The following ALDH18A1 variants were observed in gnomAD, a reference collection of about 807,000 sequenced individuals.
The protein encoded by ALDH18A1 is delta-1-pyrroline-5-carboxylate synthase.
ALDH18A1 carries 44 observed loss-of-function variants against 88.8 expected under a neutral mutation model. The ratio of observed to expected loss-of-function variants is 0.50; its 90% CI spans 0.39 to 0.64. The LOEUF (loss-of-function observed/expected upper bound fraction) is 0.64, where lower values mean the gene tolerates loss of function less well. ALDH18A1 is among the 30% of genes least tolerant of loss of function. The pLI, the probability that ALDH18A1 is intolerant of heterozygous loss-of-function variation, is 0.00. For synonymous variants in ALDH18A1, 331 were observed against 372.1 expected, an observed-to-expected ratio of 0.89 and a Z score of 1.27; for missense variants, 782 against 1,009.5, an observed-to-expected ratio of 0.77 and a Z score of 3.05.
intron 15 of ALDH18A1, among the ~76,000 whole-genome samples, chr10:95,611,656 C>G (rs1028729381): frequency 3.3e-5 from 5 of 152,178 alleles, no homozygotes; most frequent in Non-Finnish European, 7.3e-5. Flanking sequence ...GGGATTGAAG[C>G]AGGAAGCCTT....
intron 2 of ALDH18A1, among the ~76,000 whole-genome samples, chr10:95,643,543 TCA>T (rs1315767827): frequency 5.3e-5 from 8 of 152,214 alleles, no homozygotes; most frequent in Non-Finnish European, 1.2e-4. Context: ...AAGCTATTCA[TCA>T]CTGTTATTTA....
At chr10:95,614,876 G>C (rs1253093850) in intron 13 of ALDH18A1, among the ~76,000 whole-genome samples, 1 of 152,156 alleles carries the variant, frequency 6.6e-6, no homozygotes, top group Non-Finnish European at 1.5e-5. Context: ...GAGAAGAAAA[G>C]ATGAACTGTA....
At chr10:95,640,727 A>T (rs1368416362) in intron 3 of ALDH18A1, among the ~76,000 whole-genome samples, 1 of 152,184 alleles carries the variant, frequency 6.6e-6, no homozygotes. Context: ...ATCTGACATG[A>T]TAAGATGTCT....
chr10:95,655,572 C>G (rs904677100), intron 1 of ALDH18A1, among the ~76,000 whole-genome samples: 1 of 151,938 alleles, frequency 6.6e-6, no homozygotes, highest in Admixed American at 6.6e-5. Context: ...TGAAGACTGA[C>G]GTAGAAACCA....
intron 12 of ALDH18A1, among the ~76,000 whole-genome samples, chr10:95,619,557 C>T (rs544946115): frequency 4.7e-4 from 71 of 152,204 alleles, no homozygotes; most frequent in Admixed American, 1.8e-3. Context: ...GCTACAGTAA[C>T]CAAAACAGCA....
chr10:95,634,608 A>G (rs2097877133), intron 5 of ALDH18A1, among the ~76,000 whole-genome samples: 1 of 152,142 alleles, frequency 6.6e-6, no homozygotes, highest in Non-Finnish European at 1.5e-5. Context: ...AATTTATGGA[A>G]GTTAGTCTTT....
intron 10 of ALDH18A1, among the ~76,000 whole-genome samples, chr10:95,626,478 A>G (rs2097860555): frequency 6.6e-6 from 1 of 152,148 alleles, no homozygotes; most frequent in Non-Finnish European, 1.5e-5. Flanking sequence ...TGATCAAAAC[A>G]TCATAGTGAT....
chr10:95,627,379 T>C, intron 9 of ALDH18A1, 63 bp downstream of exon 9: 3 of 1,595,774 alleles, frequency 1.9e-6, no homozygotes, highest in Non-Finnish European at 2.6e-6. Context: ...TTGTGATCTC[T>C]AACTAAGCCA....
At position 95,606,673 on chromosome 10, in the gene ALDH18A1, A is replaced by G; in HGVS notation, c.*89T>C. On this transcript the variant is annotated 3_prime_UTR_variant, in exon 18 of 18. Transcript: ENST00000371224. The stretch of plus-strand genomic sequence containing the variant: ...TTCCAACAGGCAGACCCTACCAGGA[A>G]CTGGGAGACAAGAGCGGGCTCTCTC... 14 of 1,611,550 alleles carry G rather than the reference A, an allele frequency of 8.7e-6. No homozygotes were observed. Among genetic ancestry groups the G allele is most frequent in the Admixed American group, 1.7e-5 (1 of 60,008 alleles).
Position 95,625,350 on chromosome 10 carries a change from C to A in ALDH18A1, c.1246+12G>T. ...CCTCCACAACATTGACTTTAAATTG[C>A]CTGGTCTTTACCCTCTGCCTCCTCC... On this transcript the variant is annotated intron_variant, in intron 11 of 17. Coordinates refer to ENST00000371224, the MANE Select transcript of ALDH18A1 (RefSeq NM_002860.4). The A allele has an allele frequency of 5.6e-6, 9 of 1,612,700 alleles. No homozygotes were observed. The highest frequency in any genetic ancestry group is 7.6e-6 in the Non-Finnish European group (9 of 1,178,798).
intron 7 of ALDH18A1, among the ~76,000 whole-genome samples, chr10:95,630,504 A>G (rs1269084489): frequency 6.6e-6 from 1 of 152,198 alleles, no homozygotes; most frequent in African/African-American, 2.4e-5. Flanking sequence ...CGAGGTGAGG[A>G]GTTCAAGACC....
chr10:95,606,425 A>G lies in ALDH18A1; in HGVS notation c.*337T>C. The G allele has an allele frequency of 1.7e-6, 2 of 1,174,388 alleles. No homozygotes were observed. The highest frequency in any genetic ancestry group is 4.2e-5 in the South Asian group (2 of 47,736). The allele number at this position is 1,174,388 out of a possible 1,614,324, so 72.7% of individuals were successfully genotyped here. A position where few individuals can be genotyped will look rare whatever the true frequency, so the allele number is the denominator to read the frequency against. On this transcript the variant is annotated 3_prime_UTR_variant, in exon 18 of 18. Transcript: ENST00000371224. ...TAGTACCAACTAAATGCCAAGGGGGACTGTAAGTCACTGAGGTGACACAAA... is the reference window on the plus strand; with the variant it reads ...TAGTACCAACTAAATGCCAAGGGGGGCTGTAAGTCACTGAGGTGACACAAA...
intron 3 of ALDH18A1, among the ~76,000 whole-genome samples, chr10:95,641,306 C>G (rs1328672698): frequency 6.6e-6 from 1 of 152,158 alleles, no homozygotes; most frequent in Non-Finnish European, 1.5e-5. Context: ...CTGCCCTGAA[C>G]AGTCACCTTA....
rs769481001 is a variant in ALDH18A1 at position 95,606,778 on chromosome 10, T to G, written c.2372A>C (p.Gln791Pro). ...KYLHENLPIP[Q>P]RNTN is the part of the protein sequence containing the mutation. ...TGGCTCTTTTCAGTTGGTGTTTCTCTGAGGAATAGGGAGGTTCTCATGAAG... is the reference window on the plus strand; with the variant it reads ...TGGCTCTTTTCAGTTGGTGTTTCTCGGAGGAATAGGGAGGTTCTCATGAAG... Residue 791 changes from glutamine to proline, a missense_variant, in exon 18 of 18, where the codon CAG (glutamine) becomes CCG (proline). Transcript: ENST00000371224. 8.7e-6 allele frequency: 14 copies of G among 1,614,104 alleles called. No individual in the cohort carries two copies. The South Asian group carries it at 1.5e-4, about 18-fold the overall frequency.
intron 13 of ALDH18A1, among the ~76,000 whole-genome samples, chr10:95,615,689 CT>C (rs2097843036): frequency 6.6e-6 from 1 of 152,146 alleles, no homozygotes; most frequent in African/African-American, 2.4e-5. Context: ...ATTCTGGTCA[CT>C]GAGTGTGTAA....
intron 7 of ALDH18A1, chr10:95,628,715 A>C: frequency 1.8e-6 from 1 of 542,486 alleles, no homozygotes; most frequent in East Asian, 3.4e-5. Context: ...TTAATAAATA[A>C]ATGTTTCCCA....
At chr10:95,622,174 C>A (rs956566381) in intron 11 of ALDH18A1, among the ~76,000 whole-genome samples, 5 of 151,950 alleles carry the variant, frequency 3.3e-5, no homozygotes, top group African/African-American at 7.3e-5. Context: ...GGAAGGAGAA[C>A]AGAATTTTAA....
At chr10:95,622,236 C>T (rs2097853902) in intron 11 of ALDH18A1, among the ~76,000 whole-genome samples, 1 of 152,052 alleles carries the variant, frequency 6.6e-6, no homozygotes, top group South Asian at 2.1e-4. Context: ...CTCAGTGTGC[C>T]GCCCAGGCTA....
intron 2 of ALDH18A1, among the ~76,000 whole-genome samples, chr10:95,649,231 C>T (rs1022719914): frequency 3.5e-5 from 5 of 144,880 alleles, no homozygotes; most frequent in South Asian, 2.2e-4. Flanking sequence ...AAATAGATCA[C>T]GAAGTTGGGT....
Sources: gnomAD v4.1 joint callset for allele counts (sites outside exome capture counted in the v4.1 genomes callset) on GRCh38, gnomAD v4.1.1 for gene constraint, MANE v1.5 for transcripts, NCBI Gene and HGNC (gene_info 2026-07-23, HGNC 2026-07-21) for gene names.